CHCT1: variants seen among roughly 807,000 people sequenced by gnomAD.
CHCT1 encodes the protein CHD1 helical C-terminal domain containing protein 1.
chr17:60,430,153 T>G, the CHCT1 span, among the ~76,000 whole-genome samples: 27 of 133,742 alleles, frequency 2.0e-4, no homozygotes, highest in South Asian at 1.6e-3. Context: ...TTTTTTACAT[T>G]CCTGACCTGT....
chr17:60,421,408 G>A, the CHCT1 span: 3 of 985,674 alleles, frequency 3.0e-6, no homozygotes, highest in Non-Finnish European at 3.6e-6. Context: ...TGCCCGAGGT[G>A]GCCGCTGGGT....
chr17:60,427,289 G>T, the CHCT1 span, among the ~76,000 whole-genome samples: 7 of 152,158 alleles, frequency 4.6e-5, no homozygotes, highest in African/African-American at 7.2e-5. Flanking sequence ...ACCAGAAAAA[G>T]GGTGGTACTT....
chr17:60,422,515 G>A, the CHCT1 span: 1 of 1,543,728 alleles, frequency 6.5e-7, no homozygotes, highest in Admixed American at 2.0e-5. Context: ...GAGACGGCTA[G>A]GTCACAGAAG....
At chr17:60,428,334 TCGC>T in the CHCT1 span, among the ~76,000 whole-genome samples, 1 of 152,170 alleles carries the variant, frequency 6.6e-6, no homozygotes, top group Non-Finnish European at 1.5e-5. Context: ...TCCTGCACTC[TCGC>T]CGTGCAGCCC....
the CHCT1 span, chr17:60,425,729 C>T: frequency 1.6e-5 from 21 of 1,351,430 alleles, no homozygotes; most frequent in South Asian, 7.5e-5. Flanking sequence ...GCCAGCACTG[C>T]CCCCAGGAGT....
chr17:60,424,216 T>C, the CHCT1 span, among the ~76,000 whole-genome samples: 7 of 152,252 alleles, frequency 4.6e-5, no homozygotes, highest in South Asian at 2.1e-4. Context: ...GCCTCCAACA[T>C]TGGGGATCAC....
the CHCT1 span, chr17:60,431,282 C>T: frequency 6.4e-7 from 1 of 1,571,068 alleles, no homozygotes; most frequent in South Asian, 1.1e-5. Context: ...CCAACTGGGA[C>T]AAAGGGCCCG....
At chr17:60,425,953 T>A in the CHCT1 span, 1 of 1,401,820 alleles carries the variant, frequency 7.1e-7, no homozygotes, top group Non-Finnish European at 9.9e-7. Flanking sequence ...AGTCAGGAAA[T>A]GGCAGGCCTC....
the CHCT1 span, chr17:60,422,174 G>T: frequency 3.6e-6 from 1 of 279,624 alleles, no homozygotes; most frequent in South Asian, 3.9e-5. Context: ...TCCTCTCGGG[G>T]AGCCCCCACC....
the CHCT1 span, chr17:60,421,333 G>C: frequency 4.0e-5 from 39 of 978,258 alleles, no homozygotes; most frequent in Non-Finnish European, 4.6e-5. Flanking sequence ...GGACTCAAAG[G>C]GTGCTCCTCC....
At chr17:60,421,745 C>G in the CHCT1 span, 1 of 817,940 alleles carries the variant, frequency 1.2e-6, no homozygotes, top group Non-Finnish European at 1.5e-6. Flanking sequence ...GGACTCTGCC[C>G]ACCGCGTTTC....
chr17:60,426,436 A>G, the CHCT1 span: 1 of 1,310,152 alleles, frequency 7.6e-7, no homozygotes, highest in South Asian at 1.5e-5. Flanking sequence ...CTTCATCTTT[A>G]TGTGGAGGAG....
At chr17:60,421,387 C>T in the CHCT1 span, 1 of 985,570 alleles carries the variant, frequency 1.0e-6, no homozygotes, top group Non-Finnish European at 1.2e-6. Flanking sequence ...AGCCGCTATG[C>T]CCCTCTCCTG....
chr17:60,429,270 C>T, the CHCT1 span: 2 of 1,380,338 alleles, frequency 1.4e-6, no homozygotes, highest in Non-Finnish European at 2.0e-6. Context: ...GCAGGCAGAC[C>T]TTAGCATTTC....
the CHCT1 span, among the ~76,000 whole-genome samples, chr17:60,428,612 G>A: frequency 4.6e-5 from 7 of 151,014 alleles, no homozygotes; most frequent in East Asian, 1.4e-3. Context: ...TCAGCCTCCT[G>A]AGTAGCTGGG....
the CHCT1 span, chr17:60,422,327 A>C: frequency 1.3e-6 from 1 of 746,938 alleles, no homozygotes; most frequent in Non-Finnish European, 2.0e-6. Context: ...GCGCTCTGCC[A>C]AAGTCTTCGC....
chr17:60,428,399 G>A, the CHCT1 span, among the ~76,000 whole-genome samples: 2 of 151,886 alleles, frequency 1.3e-5, no homozygotes, highest in Non-Finnish European at 2.9e-5. Flanking sequence ...AACATGTAAC[G>A]ATTGGAGAAC....
the CHCT1 span, chr17:60,426,065 A>G: frequency 1.4e-6 from 2 of 1,396,364 alleles, no homozygotes; most frequent in Non-Finnish European, 2.0e-6. Flanking sequence ...TGGGCCACTC[A>G]GGGCTGCGGC....
the CHCT1 span, chr17:60,426,719 A>C: frequency 1.2e-6 from 2 of 1,609,758 alleles, no homozygotes; most frequent in South Asian, 2.2e-5. Context: ...CCTTTGCAGG[A>C]TGCTCTGGCG....
Sources: gnomAD v4.1 joint callset for allele counts (sites outside exome capture counted in the v4.1 genomes callset) on GRCh38, gnomAD v4.1.1 for gene constraint, MANE v1.5 for transcripts, NCBI Gene and HGNC (gene_info 2026-07-23, HGNC 2026-07-21) for gene names.